The following MARCHF1 variants were observed in gnomAD, a reference collection of about 807,000 sequenced individuals.
The protein encoded by MARCHF1 is membrane associated ring-CH-type finger 1.
A neutral mutation model predicts 54.2 loss-of-function variants in MARCHF1; 40 were observed. The ratio of observed to expected loss-of-function variants is 0.74; its 90% confidence interval spans 0.57 to 0.96. The LOEUF is 0.96. Among genes scored for constraint, MARCHF1 ranks in the 40% least tolerant of loss-of-function variants. MARCHF1 has a pLI of 0.00. For missense variants in MARCHF1, 586 were observed against 656.5 expected (o/e 0.89, Z 1.17); for synonymous variants, 236 against 236.3 (o/e 1.00, Z 0.01).
chr4:164,170,700 G>A (rs1308993563), intron 1 of MARCHF1, among the ~76,000 whole-genome samples: 1 of 152,100 alleles, frequency 6.6e-6, no homozygotes, highest in East Asian at 1.9e-4. Context: ...TGGGAGTAGG[G>A]AAGGGCAGAG....
At chr4:164,322,275 A>G (rs113195273) in intron 1 of MARCHF1, among the ~76,000 whole-genome samples, 37 of 152,232 alleles carry the variant, frequency 2.4e-4, no homozygotes, top group African/African-American at 8.2e-4. Flanking sequence ...ACGAACAAGC[A>G]AAAAACTCAG....
chr4:163,622,312 G>A (rs1259472653), intron 5 of MARCHF1, among the ~76,000 whole-genome samples: 1 of 152,002 alleles, frequency 6.6e-6, no homozygotes, highest in African/African-American at 2.4e-5. Context: ...ACAGGTCTGG[G>A]AAAAACCTGG....
intron 4 of MARCHF1, among the ~76,000 whole-genome samples, chr4:163,841,391 TATACCTTTTGCTCAG>T (rs1457210201): frequency 1.3e-5 from 2 of 152,062 alleles, no homozygotes; most frequent in Admixed American, 1.3e-4. Flanking sequence ...GAAAAATCTC[TATACCTTTTGCTCAG>T]TATTGCTAAG....
intron 5 of MARCHF1, among the ~76,000 whole-genome samples, chr4:163,620,474 G>C (rs1741642418): frequency 6.6e-6 from 1 of 151,858 alleles, no homozygotes; most frequent in East Asian, 1.9e-4. Context: ...GTTCATTACA[G>C]CATTATCTGT....
intron 7 of MARCHF1, among the ~76,000 whole-genome samples, chr4:163,596,213 C>T (rs947669618): frequency 2.6e-5 from 4 of 152,012 alleles, no homozygotes; most frequent in African/African-American, 9.7e-5. Context: ...TGACTTTAAG[C>T]TTTCAATTAA....
At chr4:164,296,945 C>T (rs557844070) in intron 1 of MARCHF1, among the ~76,000 whole-genome samples, 1 of 152,308 alleles carries the variant, frequency 6.6e-6, no homozygotes, top group East Asian at 1.9e-4. Context: ...TAGCTAAAAG[C>T]AAGTGCTCTA....
intron 4 of MARCHF1, among the ~76,000 whole-genome samples, chr4:163,783,482 C>A (rs1579283817): frequency 6.6e-6 from 1 of 152,150 alleles, no homozygotes; most frequent in Admixed American, 6.5e-5. Context: ...CTCCCTTGAA[C>A]CTCCTTAAAT....
At chr4:163,941,160 T>A (rs9683860) in intron 3 of MARCHF1, among the ~76,000 whole-genome samples, 131,324 of 152,012 alleles carry the variant, frequency 0.86, 57,176 homozygotes, top group East Asian at 0.97. Context: ...AAAGTCTATG[T>A]CTTTATCTAA....
At chr4:164,223,003 G>C (rs1259048917) in intron 1 of MARCHF1, among the ~76,000 whole-genome samples, 2 of 151,920 alleles carry the variant, frequency 1.3e-5, no homozygotes, top group Non-Finnish European at 2.9e-5. Flanking sequence ...AACGGCAGCA[G>C]GGAAGGGAGC....
At position 164,144,369 on chromosome 4, in the gene MARCHF1, T is replaced by A. The variant is rs540342745; in HGVS notation, c.-322-32707A>T. ...CCACCCCAAATCAACAGAATATATA[T>A]TTTTTTCAGCACCACACCACACCTA... On this transcript the variant is annotated intron_variant, in intron 1 of 9. Coordinates refer to ENST00000514618, the MANE Select transcript of MARCHF1 (RefSeq NM_001394959.1). 2.1e-4 allele frequency among the ~76,000 whole-genome samples: 32 copies of A among 151,372 alleles called. No individual in the cohort carries two copies. In the East Asian group the frequency reaches 6.0e-3, roughly 28 times the overall value.
At chr4:164,285,880 A>T (rs1734135385) in intron 1 of MARCHF1, among the ~76,000 whole-genome samples, 1 of 151,428 alleles carries the variant, frequency 6.6e-6, no homozygotes, top group Non-Finnish European at 1.5e-5. Flanking sequence ...AATAAAAATT[A>T]ATGATAACTA....
At chr4:164,359,800 C>T (rs1034784966) in intron 1 of MARCHF1, among the ~76,000 whole-genome samples, 1 of 152,100 alleles carries the variant, frequency 6.6e-6, no homozygotes, top group Non-Finnish European at 1.5e-5. Flanking sequence ...TCCATCTCTC[C>T]AGTAAACACA....
At chr4:164,290,432 T>C (rs1035301373) in intron 1 of MARCHF1, among the ~76,000 whole-genome samples, 1 of 151,992 alleles carries the variant, frequency 6.6e-6, no homozygotes, top group African/African-American at 2.4e-5. Flanking sequence ...GGCAGGCACT[T>C]GTATTCAGAA....
intron 5 of MARCHF1, among the ~76,000 whole-genome samples, chr4:163,634,842 T>G (rs976198744): frequency 2.1e-5 from 3 of 140,244 alleles, no homozygotes; most frequent in Non-Finnish European, 4.5e-5. Flanking sequence ...ACCACATAAT[T>G]GGAAGTAAAG....
intron 3 of MARCHF1, among the ~76,000 whole-genome samples, chr4:163,934,224 T>C (rs900849372): frequency 6.6e-6 from 1 of 152,098 alleles, no homozygotes; most frequent in Admixed American, 6.5e-5. Flanking sequence ...ATATGCCCTA[T>C]GTAACAGCAG....
intron 5 of MARCHF1, among the ~76,000 whole-genome samples, chr4:163,642,888 G>A (rs890185474): frequency 1.3e-5 from 2 of 151,912 alleles, no homozygotes; most frequent in African/African-American, 2.4e-5. Flanking sequence ...TAAGAAAATA[G>A]AAAATAAAAT....
At chr4:163,647,691 A>G (rs1742810258) in intron 5 of MARCHF1, among the ~76,000 whole-genome samples, 1 of 151,676 alleles carries the variant, frequency 6.6e-6, no homozygotes, top group Non-Finnish European at 1.5e-5. Flanking sequence ...AAAAAGAAAA[A>G]TAAAAGAGTC....
intron 3 of MARCHF1, among the ~76,000 whole-genome samples, chr4:163,897,259 A>G (rs1346658538): frequency 6.6e-6 from 1 of 152,036 alleles, no homozygotes; most frequent in South Asian, 2.1e-4. Context: ...AACTTCTTCA[A>G]CCTCATTGGG....
rs778980245 is a variant in MARCHF1, at chr4:163,612,601, C to T, written c.680G>A (p.Ser227Asn). 1.2e-5 allele frequency: 19 copies of T among 1,535,488 alleles called. No homozygotes were observed. Among genetic ancestry groups the T allele is most frequent in the African/African-American group, 2.7e-5 (2 of 72,970 alleles). The stretch of plus-strand genomic sequence containing the variant: ...TCCTCTGTGGAGATTTAAAGAGCAA[C>T]TCTCACATTCAATCAGCTCTTGTTG... Reference protein sequence around the residue: ...KEQQELIECESCSLNLHRGKH... With the variant: ...KEQQELIECENCSLNLHRGKH... Residue 227 changes from serine (S) to asparagine (N), a missense_variant, in exon 7 of 10, where the codon AGT becomes AAT. By Grantham distance (46) the Ser-to-Asn change is conservative. Coordinates refer to ENST00000514618, the MANE Select transcript of MARCHF1 (RefSeq NM_001394959.1).
Sources: gnomAD v4.1 joint callset for allele counts (sites outside exome capture counted in the v4.1 genomes callset) on GRCh38, gnomAD v4.1.1 for gene constraint, MANE v1.5 for transcripts, NCBI Gene and HGNC (gene_info 2026-07-23, HGNC 2026-07-21) for gene names.